Variants in SOAT1 observed in about 807,000 individuals in gnomAD.
The protein encoded by SOAT1 is sterol O-acyltransferase 1.
A neutral mutation model predicts 69.5 loss-of-function variants in SOAT1; 55 were observed. That is an observed-to-expected ratio of 0.79 (90% CI 0.64 to 0.99). SOAT1 has a LOEUF of 0.99. Ranked by LOEUF, SOAT1 falls within the 50% of genes least tolerant of loss-of-function variation. The pLI is 0.00. For missense variants in SOAT1, 580 were observed against 669.3 expected, an observed-to-expected ratio of 0.87 and a Z score of 1.47; for synonymous variants, 231 against 224.7, an observed-to-expected ratio of 1.03 and a Z score of -0.25.
At position 179,336,726 on chromosome 1, in the gene SOAT1, G is replaced by T. The variant is rs543558788; in HGVS notation, c.329+1069G>T. 3.9e-5 allele frequency among the ~76,000 whole-genome samples: 6 copies of T among 152,288 alleles called. No homozygotes were observed. In the South Asian group the frequency reaches 1.2e-3, roughly 32 times the overall value. ...CTTAATCATATAATGGCTGGGCATG[G>T]TGGCTCACGCCTGTAATCCCAGCAC... On this transcript the variant is annotated intron_variant, in intron 4 of 15. Transcript: ENST00000367619.
chr1:179,294,359 C>G (rs1558032021), intron 1 of SOAT1: 1 of 152,136 alleles, frequency 6.6e-6, no homozygotes. Flanking sequence ...GCACCAGAAC[C>G]TTTAATCAAG....
intron 1 of SOAT1, among the ~76,000 whole-genome samples, chr1:179,301,292 G>T (rs1664823148): frequency 6.6e-6 from 1 of 152,150 alleles, no homozygotes; most frequent in African/African-American, 2.4e-5. Flanking sequence ...CTTTGATCAT[G>T]TTTTTTAGTG....
chr1:179,347,185 G>A (rs6425535), intron 11 of SOAT1, among the ~76,000 whole-genome samples: 8 of 151,628 alleles, frequency 5.3e-5, no homozygotes, highest in South Asian at 2.1e-4. Flanking sequence ...GGTGAAACCC[G>A]GTCTCTACTA....
chr1:179,354,165 A>G lies in SOAT1; in HGVS notation c.*524A>G, dbSNP rs776119610. 1 of 152,796 alleles carries G rather than the reference A, an allele frequency of 6.5e-6. No individual in the cohort carries two copies. Among genetic ancestry groups the G allele is most frequent in the Non-Finnish European group, 1.5e-5 (1 of 68,154 alleles). 9.5% of individuals were successfully genotyped at this position (152,796 alleles called of 1,614,324 possible). A position where few individuals can be genotyped will look rare whatever the true frequency, so the allele number is the denominator to read the frequency against. On this transcript the variant is annotated 3_prime_UTR_variant, in exon 16 of 16. Transcript: ENST00000367619. ...AGTAGAAAGAAAATGTCTGTTTTCC[A>G]AAGATAATGTTATACATCCTATTTT... is the stretch of plus-strand genomic sequence containing the variant.
intron 11 of SOAT1, among the ~76,000 whole-genome samples, 197 bp from the exon 12 acceptor site, chr1:179,347,403 C>G (rs1666572200): frequency 6.7e-6 from 1 of 149,430 alleles, no homozygotes; most frequent in Admixed American, 6.7e-5. Context: ...ATTTGTTGAA[C>G]CCACTTTGAA....
In SOAT1 at chr1:179,335,572, GAA is replaced by G; in HGVS notation, c.247_248del (p.Lys83ValfsTer6). On this transcript the variant is annotated frameshift_variant, in exon 4 of 16. Coordinates refer to ENST00000367619, the MANE Select transcript of SOAT1 (RefSeq NM_003101.6). LOFTEE classifies it high-confidence loss of function. The stretch of plus-strand genomic sequence containing the variant: ...TGATGATTTTGTGACCAATCTCATT[GAA>G]AAGTCAGCATCATTAGATAATGGTG... ...HFDDFVTNLI[E>X]KSASLDNGGC... 6.2e-7 allele frequency: 1 copy of G among 1,613,826 alleles called. No individual in the cohort carries two copies. Among genetic ancestry groups the G allele is most frequent in the Non-Finnish European group, 8.5e-7 (1 of 1,179,792 alleles).
At chr1:179,315,645 T>G (rs908727662) in intron 2 of SOAT1, among the ~76,000 whole-genome samples, 3 of 152,218 alleles carry the variant, frequency 2.0e-5, no homozygotes, top group African/African-American at 7.2e-5. Context: ...TTCCACTTAC[T>G]TAACTTTGTC....
Position 179,355,721 on chromosome 1 carries a change from G to A in SOAT1, c.*2080G>A, listed in dbSNP as rs898024191. The A allele has an allele frequency of 6.6e-6, 1 of 152,392 alleles. No homozygotes were observed. Among genetic ancestry groups the A allele is most frequent in the Non-Finnish European group, 1.5e-5 (1 of 68,236 alleles). 9.4% of individuals were successfully genotyped at this position (152,392 alleles called of 1,614,324 possible). A position where few individuals can be genotyped will look rare whatever the true frequency, so the allele number is the denominator to read the frequency against. ...GGCTAATTTTTGTATTTTTAGTAGA[G>A]ATGGGGTTTCACCCTGTTGGTCAGG... On this transcript the variant is annotated 3_prime_UTR_variant, in exon 16 of 16. Coordinates refer to ENST00000367619, the MANE Select transcript of SOAT1 (RefSeq NM_003101.6).
chr1:179,345,086 G>A lies in SOAT1; in HGVS notation c.1117+10G>A, dbSNP rs377428159. 1.0e-4 allele frequency: 166 copies of A among 1,612,472 alleles called. No homozygotes were observed. The highest frequency in any genetic ancestry group is 1.3e-4 in the Non-Finnish European group (154 of 1,179,022). ...AACTCCATCTTGCCAGGTAACATGG[G>A]TACTTGTTAATTTGGTCATGCATAA... is the stretch of plus-strand genomic sequence containing the variant. On this transcript the variant is annotated intron_variant, in intron 11 of 15. Transcript: ENST00000367619.
chr1:179,314,711 G>A (rs1558041704), intron 2 of SOAT1, among the ~76,000 whole-genome samples: 1 of 152,092 alleles, frequency 6.6e-6, no homozygotes, highest in South Asian at 2.1e-4. Context: ...TAATAGGCGT[G>A]AGCCAGCACG....
chr1:179,343,037 A>C, intron 9 of SOAT1, 94 bp downstream of exon 9: 1 of 878,534 alleles, frequency 1.1e-6, no homozygotes, highest in Non-Finnish European at 1.9e-6. Flanking sequence ...ATGTAGGGAC[A>C]TAGAAAATAT....
At chr1:179,340,318 CAAAAAATT>C (rs1051767016) in intron 6 of SOAT1, among the ~76,000 whole-genome samples, 1 of 151,976 alleles carries the variant, frequency 6.6e-6, no homozygotes, top group African/African-American at 2.4e-5. Context: ...AACATCTCTA[CAAAAAATT>C]TAAAAATTAG....
intron 7 of SOAT1, among the ~76,000 whole-genome samples, chr1:179,341,754 C>G (rs1299276881): frequency 2.0e-5 from 3 of 152,088 alleles, no homozygotes; most frequent in Non-Finnish European, 4.4e-5. Flanking sequence ...AGACTGGTCT[C>G]AAACTCCTGA....
intron 5 of SOAT1, among the ~76,000 whole-genome samples, chr1:179,338,989 A>C (rs1483648682): frequency 1.3e-5 from 2 of 152,180 alleles, no homozygotes; most frequent in Non-Finnish European, 2.9e-5. Flanking sequence ...ATATTCTAAA[A>C]GAAAATTAGA....
chr1:179,339,926 T>C (rs1312723526), intron 6 of SOAT1, among the ~76,000 whole-genome samples: 1 of 152,218 alleles, frequency 6.6e-6, no homozygotes, highest in Non-Finnish European at 1.5e-5. Context: ...AAGCAAAGGC[T>C]GATTGGGATC....
Position 179,353,797 on chromosome 1 carries a change from A to G in SOAT1, c.*156A>G, listed in dbSNP as rs150386896. On this transcript the variant is annotated 3_prime_UTR_variant, in exon 16 of 16. Coordinates refer to ENST00000367619, the MANE Select transcript of SOAT1 (RefSeq NM_003101.6). ...CCATTCCTAGGTCACTTGAAGCCAA[A>G]CTGTTGGAAGTTCACTGGAGTCTTG... 233 of 674,568 alleles carry G rather than the reference A, an allele frequency of 3.5e-4. No individual in the cohort carries two copies. The African/African-American group carries it at 3.9e-3, about 11-fold the overall frequency. The allele number at this position is 674,568 out of a possible 1,614,324, so 41.8% of individuals were successfully genotyped here.
intron 2 of SOAT1, among the ~76,000 whole-genome samples, chr1:179,307,978 C>T (rs553767757): frequency 3.3e-5 from 5 of 151,992 alleles, no homozygotes; most frequent in Admixed American, 2.6e-4. Flanking sequence ...TTAGTAGAAA[C>T]GGGGTTTCTC....
Position 179,332,646 on chromosome 1 carries a change from T to G in SOAT1, c.178-2860T>G, listed in dbSNP as rs1426138077. On this transcript the variant is annotated intron_variant, in intron 3 of 15. Coordinates refer to ENST00000367619, the MANE Select transcript of SOAT1 (RefSeq NM_003101.6). ...GCTGCATGAAATTAATATCAGTAGA[T>G]ACGAGATTGAAAAGATAAGCAAATT... Among the ~76,000 whole-genome samples the G allele has an allele frequency of 1.6e-4, 24 of 152,130 alleles. 1 individual carries two copies. Among genetic ancestry groups the G allele is most frequent in the Admixed American group, 1.6e-3 (24 of 15,250 alleles).
At position 179,341,281 on chromosome 1, in the gene SOAT1, G is replaced by A. The variant is rs1384524973; in HGVS notation, c.751G>A (p.Ala251Thr). 3 of 1,613,956 alleles carry A rather than the reference G, an allele frequency of 1.9e-6. No homozygotes were observed. Among genetic ancestry groups the A allele is most frequent in the Non-Finnish European group, 2.5e-6 (3 of 1,180,022 alleles). Reference protein sequence around the residue: ...YVVLAYTLPPASRFIIIFEQI... With the variant: ...YVVLAYTLPPTSRFIIIFEQI... The stretch of plus-strand genomic sequence containing the variant: ...TGTGTTAGCATATACACTGCCACCA[G>A]CTTCCCGGTTCATCATTATATTCGA... The change falls in exon 7 of 16, where the codon GCT becomes ACT. Residue 251 changes from alanine to threonine, a missense_variant. Physicochemically the swap from Ala to Thr is moderately conservative, Grantham distance 58. Coordinates refer to ENST00000367619, the MANE Select transcript of SOAT1 (RefSeq NM_003101.6).
Sources: allele counts gnomAD v4.1 joint callset (sites outside exome capture counted in the v4.1 genomes callset), GRCh38; gene constraint gnomAD v4.1.1; transcripts MANE v1.5; gene names NCBI Gene and HGNC (gene_info 2026-07-23, HGNC 2026-07-21).